Variants in ZNF766 observed in about 807,000 individuals in gnomAD.
The protein encoded by ZNF766 is zinc finger protein 766.
In ZNF766, 13 loss-of-function variants were observed where a neutral mutation model predicts 13.2. That is an observed-to-expected ratio of 0.98 (90% CI 0.64 to 1.56). The LOEUF (loss-of-function observed/expected upper bound fraction) is 1.56. ZNF766 is among the 40% of genes most tolerant of loss of function. The probability of loss-of-function intolerance (pLI) is 0.00; values close to 1 mark genes in which losing one functional copy is unlikely to be tolerated. For synonymous variants in ZNF766, 178 were observed against 187.6 expected, an observed-to-expected ratio of 0.95 and a Z score of 0.42; for missense variants, 521 against 552.2, an observed-to-expected ratio of 0.94 and a Z score of 0.57.
At position 52,291,190 on chromosome 19, in the gene ZNF766, A is replaced by T. The variant is rs1555796545; in HGVS notation, c.1399A>T (p.Thr467Ser). 6 of 1,560,232 alleles carry T rather than the reference A, an allele frequency of 3.8e-6. No homozygotes were observed. Among genetic ancestry groups the T allele is most frequent in the Non-Finnish European group, 5.2e-6 (6 of 1,155,024 alleles). The change falls in exon 4 of 4, where the codon ACA becomes TCA. Residue 467 changes from threonine to serine, a missense_variant. Thr to Ser is a moderately conservative substitution (Grantham distance 58, BLOSUM62 1). Transcript: ENST00000439461. ...HQRSVHERVL[T>S]N The stretch of plus-strand genomic sequence containing the variant: ...GAGAAGTGTTCATGAGAGAGTCCTT[A>T]CAAACTGAGTTTGGCAAACTCTATC...
In ZNF766 at chr19:52,289,862, G is replaced by C. The variant is rs57659864; in HGVS notation, c.275-204G>C. Among the ~76,000 whole-genome samples, 9 of 152,162 alleles carry C rather than the reference G, an allele frequency of 5.9e-5. No individual in the cohort carries two copies. In the East Asian group the frequency reaches 1.2e-3, roughly 20 times the overall value. On this transcript the variant is annotated intron_variant, in intron 3 of 3. Transcript: ENST00000439461. ...AAAAATACAAAAAAATTAGCTGGGC[G>C]TGGTGGCGGACGCCTGTAGTCCCAG...
At chr19:52,287,654 CTTAT>C (rs1454176596) in intron 3 of ZNF766, among the ~76,000 whole-genome samples, 1 of 152,192 alleles carries the variant, frequency 6.6e-6, no homozygotes, top group African/African-American at 2.4e-5. Flanking sequence ...ATTCAGTCTT[CTTAT>C]TTGTTACTGG....
At chr19:52,289,735 T>C (rs1414217406) in intron 3 of ZNF766, among the ~76,000 whole-genome samples, 1 of 152,080 alleles carries the variant, frequency 6.6e-6, no homozygotes, top group Non-Finnish European at 1.5e-5. Flanking sequence ...GCGCGGTGGC[T>C]CACACCTATA....
chr19:52,290,851 C>G lies in ZNF766; in HGVS notation c.1060C>G (p.Pro354Ala), dbSNP rs1377418793. 6.2e-7 allele frequency: 1 copy of G among 1,614,134 alleles called. No homozygotes were observed. Among genetic ancestry groups the G allele is most frequent in the South Asian group, 1.1e-5 (1 of 91,084 alleles). Reference protein sequence around the residue: ...THLLIHTGEKPYKCKECDKAF... With the variant: ...THLLIHTGEKAYKCKECDKAF... ...TCTGTTAATCCACACTGGAGAGAAA[C>G]CTTACAAATGTAAAGAATGTGACAA... is the stretch of plus-strand genomic sequence containing the variant. Residue 354 changes from proline (P) to alanine (A), a missense_variant, in exon 4 of 4, where the codon CCT (proline) becomes GCT (alanine). Pro to Ala is a conservative substitution (Grantham distance 27, BLOSUM62 -1). Coordinates refer to ENST00000439461, the MANE Select transcript of ZNF766 (RefSeq NM_001010851.3).
At chr19:52,287,710 G>A (rs771367946) in intron 3 of ZNF766, among the ~76,000 whole-genome samples, 16 of 151,984 alleles carry the variant, frequency 1.1e-4, no homozygotes, top group Non-Finnish European at 1.5e-4. Context: ...CTTGGTAAGT[G>A]GTGTCTATCT....
rs755619564 is a variant in ZNF766 at position 52,291,073 on chromosome 19, AATC to A, written c.1287_1289del (p.His429del). On this transcript the variant is annotated inframe_deletion, in exon 4 of 4. Transcript: ENST00000439461. ...CTTCACTCAGAATTCACACCTTGCA[AATC>A]ATCAGAGAATCCACACTGGAGAGAA... The A allele has an allele frequency of 2.2e-5, 36 of 1,613,970 alleles. No individual in the cohort carries two copies. The highest frequency in any genetic ancestry group is 8.3e-5 in the Admixed American group (5 of 59,998).
At position 52,295,106 on chromosome 19, in the gene ZNF766, T is replaced by C. The variant is rs977302050; in HGVS notation, c.*3908T>C. 3 of 151,872 alleles carry C rather than the reference T, an allele frequency of 2.0e-5. No individual in the cohort carries two copies. Among genetic ancestry groups the C allele is most frequent in the Admixed American group, 1.3e-4 (2 of 15,250 alleles). The allele number at this position is 151,872 out of a possible 1,614,324, so 9.4% of individuals were successfully genotyped here. A position where few individuals can be genotyped will look rare whatever the true frequency, so the allele number is the denominator to read the frequency against. On this transcript the variant is annotated 3_prime_UTR_variant, in exon 4 of 4. Coordinates refer to ENST00000439461, the MANE Select transcript of ZNF766 (RefSeq NM_001010851.3). ...TAAAATTATATTTTGTGTTTATATATGCACGTATAGACACATATATAATAT... is the reference window on the plus strand; with the variant it reads ...TAAAATTATATTTTGTGTTTATATACGCACGTATAGACACATATATAATAT...
At chr19:52,269,690 C>T (rs1980885142) in intron 1 of ZNF766, 59 bp downstream of exon 1, 3 of 1,605,196 alleles carry the variant, frequency 1.9e-6, no homozygotes, top group Admixed American at 1.7e-5. Flanking sequence ...CGCTTCTGTA[C>T]CCGGGATGTG....
chr19:52,274,449 C>T (rs996169808), intron 1 of ZNF766: 1 of 152,394 alleles, frequency 6.6e-6, no homozygotes, highest in Non-Finnish European at 1.5e-5. Context: ...GGAAACAAAC[C>T]TAGTGCGTTA....
rs567624644 is a variant in ZNF766, at chr19:52,295,870, G to A, written c.*4672G>A. On this transcript the variant is annotated 3_prime_UTR_variant, in exon 4 of 4. Coordinates refer to ENST00000439461, the MANE Select transcript of ZNF766 (RefSeq NM_001010851.3). ...TGTTTGAGCTATTCCAGGTTTTTTG[G>A]GATTTCTGTTGGTTTGTTTTGTTTT... The A allele has an allele frequency of 2.0e-5, 3 of 151,692 alleles. No individual in the cohort carries two copies. The highest frequency in any genetic ancestry group is 6.6e-5 in the Admixed American group (1 of 15,220). 9.4% of individuals were successfully genotyped at this position (151,692 alleles called of 1,614,324 possible).
rs541457428 is a variant in ZNF766 at position 52,284,145 on chromosome 19, A to T, written c.274+732A>T. Among the ~76,000 whole-genome samples the T allele has an allele frequency of 5.9e-5, 9 of 152,366 alleles. No individual in the cohort carries two copies. In the South Asian group the frequency reaches 1.9e-3, roughly 32 times the overall value. Reference sequence around the variant, plus strand: ...TTATCATGATGGACAATACCCTGTCATGTGGCTTCTGTCAACTCTTTAGTC... The same window carrying T: ...TTATCATGATGGACAATACCCTGTCTTGTGGCTTCTGTCAACTCTTTAGTC... On this transcript the variant is annotated intron_variant, in intron 3 of 3. Coordinates refer to ENST00000439461, the MANE Select transcript of ZNF766 (RefSeq NM_001010851.3).
chr19:52,280,884 G>A (rs113768696), intron 1 of ZNF766, among the ~76,000 whole-genome samples: 2 of 150,472 alleles, frequency 1.3e-5, no homozygotes, highest in Non-Finnish European at 3.0e-5. Flanking sequence ...TTGGCCGTGC[G>A]TGATGGCTCA....
At chr19:52,274,838 G>A (rs1049364445) in intron 1 of ZNF766, among the ~76,000 whole-genome samples, 8 of 151,680 alleles carry the variant, frequency 5.3e-5, no homozygotes, top group African/African-American at 1.9e-4. Context: ...AAAAAAGAAT[G>A]AGCCAATAGG....
In ZNF766 at chr19:52,295,571, A is replaced by G. The variant is rs375659551; in HGVS notation, c.*4373A>G. The G allele has an allele frequency of 6.6e-6, 1 of 152,224 alleles. No individual in the cohort carries two copies. The highest frequency in any genetic ancestry group is 2.4e-5 in the African/African-American group (1 of 41,454). The allele number at this position is 152,224 out of a possible 1,614,324, so 9.4% of individuals were successfully genotyped here. On this transcript the variant is annotated 3_prime_UTR_variant, in exon 4 of 4. Transcript: ENST00000439461. ...AAAATGAGACTGTTGTTTGGAGACA[A>G]TATTTTTTGACAAGAGTATGCACAA...
rs1019477099 is a variant in ZNF766, at chr19:52,280,257, G to C, written c.19-1854G>C. Among the ~76,000 whole-genome samples the C allele has an allele frequency of 5.3e-5, 8 of 152,320 alleles. No homozygotes were observed. The East Asian group carries it at 1.5e-3, about 29-fold the overall frequency. ...CACCGTTAGCCCCAGTTTCTTGGGA[G>C]GCTGAGGAGGGAGGATCATTTGAGA... On this transcript the variant is annotated intron_variant, in intron 1 of 3. Coordinates refer to ENST00000439461, the MANE Select transcript of ZNF766 (RefSeq NM_001010851.3).
In ZNF766 at chr19:52,295,053, A is replaced by G. The variant is rs146518763; in HGVS notation, c.*3855A>G. The G allele has an allele frequency of 2.2e-3, 336 of 151,860 alleles. 6 individuals are homozygous for G. In the East Asian group the frequency reaches 0.029, roughly 13 times the overall value. 9.4% of individuals were successfully genotyped at this position (151,860 alleles called of 1,614,324 possible). A position where few individuals can be genotyped will look rare whatever the true frequency, so the allele number is the denominator to read the frequency against. Reference sequence around the variant, plus strand: ...TTTTCCCGTTACAGCATCAAGCAATATATTCCATGGTTCATTTTCAACTCT... The same window carrying G: ...TTTTCCCGTTACAGCATCAAGCAATGTATTCCATGGTTCATTTTCAACTCT... On this transcript the variant is annotated 3_prime_UTR_variant, in exon 4 of 4. Coordinates refer to ENST00000439461, the MANE Select transcript of ZNF766 (RefSeq NM_001010851.3).
chr19:52,278,592 C>T (rs1045621744), intron 1 of ZNF766, among the ~76,000 whole-genome samples: 8 of 152,078 alleles, frequency 5.3e-5, no homozygotes, highest in African/African-American at 1.7e-4. Flanking sequence ...TCAGTAGAGA[C>T]GGAGCTTCAC....
intron 1 of ZNF766, among the ~76,000 whole-genome samples, chr19:52,269,895 C>G (rs1213118561): frequency 1.3e-5 from 2 of 152,228 alleles, no homozygotes; most frequent in Non-Finnish European, 2.9e-5. Context: ...CAGCCCCGCG[C>G]CACGTAAAGT....
chr19:52,293,725 A>T lies in ZNF766; in HGVS notation c.*2527A>T, dbSNP rs542027774. 5 of 152,392 alleles carry T rather than the reference A, an allele frequency of 3.3e-5. No homozygotes were observed. The East Asian group carries it at 9.7e-4, about 29-fold the overall frequency. The allele number at this position is 152,392 out of a possible 1,614,324, so 9.4% of individuals were successfully genotyped here. ...ACCGCAACCTCCGCCTTCCAGGTTC[A>T]AGTGATTCTCCTGCCTCAGCCTCCC... On this transcript the variant is annotated 3_prime_UTR_variant, in exon 4 of 4. Coordinates refer to ENST00000439461, the MANE Select transcript of ZNF766 (RefSeq NM_001010851.3).
Sources: allele counts gnomAD v4.1 joint callset (sites outside exome capture counted in the v4.1 genomes callset), GRCh38; gene constraint gnomAD v4.1.1; transcripts MANE v1.5; gene names NCBI Gene and HGNC (gene_info 2026-07-23, HGNC 2026-07-21).